Variants in CDK14 observed in about 807,000 individuals in gnomAD.
CDK14 encodes the protein cyclin dependent kinase 14.
A neutral mutation model predicts 60.7 loss-of-function variants in CDK14; 34 were observed. The observed-to-expected ratio is 0.56, with a 90% CI of 0.43 to 0.75. The LOEUF is 0.75. CDK14 is among the 30% of genes least tolerant of loss of function. The probability of loss-of-function intolerance (pLI) is 0.00; values close to 1 mark genes in which losing one functional copy is unlikely to be tolerated. For missense variants in CDK14, 482 were observed against 564.1 expected (o/e 0.85, Z 1.47); for synonymous variants, 197 against 203.7 (o/e 0.97, Z 0.28).
chr7:90,699,740 C>G (rs757229900), intron 2 of CDK14, among the ~76,000 whole-genome samples: 6 of 152,188 alleles, frequency 3.9e-5, no homozygotes, highest in Non-Finnish European at 7.3e-5. Flanking sequence ...TCCTTGCATT[C>G]AGGTGGTCCT....
chr7:90,675,743 A>G (rs945306801), intron 2 of CDK14, among the ~76,000 whole-genome samples: 8 of 152,362 alleles, frequency 5.3e-5, no homozygotes, highest in African/African-American at 1.9e-4. Context: ...TTAGAGTAAT[A>G]TGATTCAAGG....
At chr7:90,921,870 C>T (rs552279067) in intron 8 of CDK14, among the ~76,000 whole-genome samples, 8 of 152,108 alleles carry the variant, frequency 5.3e-5, no homozygotes, top group Admixed American at 4.6e-4. Flanking sequence ...TGGTCCTTGT[C>T]TAAATTTGAG....
At chr7:90,714,931 C>T (rs893983191) in intron 2 of CDK14, among the ~76,000 whole-genome samples, 4 of 151,990 alleles carry the variant, frequency 2.6e-5, no homozygotes, top group African/African-American at 9.7e-5. Flanking sequence ...AGATAGTACA[C>T]AATTTTATTT....
intron 8 of CDK14, among the ~76,000 whole-genome samples, chr7:90,923,455 G>A (rs1321142817): frequency 2.6e-5 from 4 of 152,028 alleles, no homozygotes; most frequent in African/African-American, 9.7e-5. Context: ...CTGTAAATGG[G>A]AACAAGAAGG....
At chr7:91,111,396 A>G (rs1799464606) in intron 12 of CDK14, among the ~76,000 whole-genome samples, 1 of 152,174 alleles carries the variant, frequency 6.6e-6, no homozygotes, top group Non-Finnish European at 1.5e-5. Flanking sequence ...TACCTACTGG[A>G]AGGTGCAGCT....
intron 10 of CDK14, among the ~76,000 whole-genome samples, chr7:91,007,964 T>C (rs1796026220): frequency 6.6e-6 from 1 of 151,812 alleles, no homozygotes; most frequent in African/African-American, 2.4e-5. Context: ...AGTTGCAGCC[T>C]TTGTGGTCAG....
At chr7:90,687,839 C>A (rs145896863) in intron 2 of CDK14, among the ~76,000 whole-genome samples, 1 of 152,224 alleles carries the variant, frequency 6.6e-6, no homozygotes, top group African/African-American at 2.4e-5. Context: ...AAAGCAATTT[C>A]TGAGGTACCC....
chr7:90,986,236 T>C (rs747253825), intron 10 of CDK14, among the ~76,000 whole-genome samples: 35 of 152,238 alleles, frequency 2.3e-4, no homozygotes, highest in Non-Finnish European at 4.3e-4. Context: ...CAGCCCCATA[T>C]TGATAGCTTG....
intron 9 of CDK14, among the ~76,000 whole-genome samples, chr7:90,976,344 A>G (rs577379610): frequency 6.6e-6 from 1 of 151,940 alleles, no homozygotes; most frequent in East Asian, 1.9e-4. Context: ...TGTTCAGATC[A>G]TTTGTCCCCC....
At chr7:90,858,331 A>G (rs1263276578) in intron 5 of CDK14, among the ~76,000 whole-genome samples, 1 of 152,174 alleles carries the variant, frequency 6.6e-6, no homozygotes, top group African/African-American at 2.4e-5. Context: ...GAAGTGAGAA[A>G]CAATTTAGGT....
In CDK14 at chr7:91,118,063, A is replaced by G; in HGVS notation, c.1295-2A>G. On this transcript the variant is annotated splice_acceptor_variant, in intron 13 of 14. Coordinates refer to ENST00000380050, the MANE Select transcript of CDK14 (RefSeq NM_001287135.2). LOFTEE classifies it high-confidence loss of function. ...AATGAAAACTTCATATTCTGTCCACAGTGTCTTCTATTTTTACTGTCCCAA... is the reference window on the plus strand; with the variant it reads ...AATGAAAACTTCATATTCTGTCCACGGTGTCTTCTATTTTTACTGTCCCAA... 2.6e-6 allele frequency: 4 copies of G among 1,551,292 alleles called. No individual in the cohort carries two copies. Among genetic ancestry groups the G allele is most frequent in the Non-Finnish European group, 3.6e-6 (4 of 1,123,806 alleles).
intron 11 of CDK14, among the ~76,000 whole-genome samples, chr7:91,062,672 T>C (rs1426701828): frequency 2.0e-5 from 3 of 152,110 alleles, no homozygotes; most frequent in Non-Finnish European, 2.9e-5. Context: ...ATGGATGCTA[T>C]CTCAGGAGGT....
At chr7:91,133,954 A>G (rs538798705) in intron 14 of CDK14, among the ~76,000 whole-genome samples, 2 of 152,296 alleles carry the variant, frequency 1.3e-5, no homozygotes, top group East Asian at 3.9e-4. Context: ...TGATAAATTA[A>G]TACTAGAAAT....
At position 90,676,704 on chromosome 7, in the gene CDK14, GC is replaced by G. The variant is rs1563041118; in HGVS notation, c.124-49862del. Among the ~76,000 whole-genome samples the G allele has an allele frequency of 5.3e-5, 8 of 151,974 alleles. No individual in the cohort carries two copies. In the South Asian group the frequency reaches 1.7e-3, roughly 32 times the overall value. The stretch of plus-strand genomic sequence containing the variant: ...GATACTACCACACTTGGTTAGTTTT[GC>G]TCGTTTTTTTGGTAAAGATGGGGTC... On this transcript the variant is annotated intron_variant, in intron 2 of 14. Transcript: ENST00000380050.
intron 7 of CDK14, among the ~76,000 whole-genome samples, chr7:90,909,371 G>C (rs1792815380): frequency 6.6e-6 from 1 of 151,778 alleles, no homozygotes; most frequent in Non-Finnish European, 1.5e-5. Context: ...GCTCACCTAG[G>C]GAATATTTCT....
chr7:90,984,694 T>G (rs1366714719), intron 10 of CDK14, among the ~76,000 whole-genome samples: 1 of 152,166 alleles, frequency 6.6e-6, no homozygotes, highest in Non-Finnish European at 1.5e-5. Context: ...TCCGTCAGGT[T>G]TTCAAGGCTA....
chr7:91,043,826 A>C (rs1429440829), intron 10 of CDK14, among the ~76,000 whole-genome samples: 1 of 152,194 alleles, frequency 6.6e-6, no homozygotes, highest in Non-Finnish European at 1.5e-5. Flanking sequence ...AGGAACATAA[A>C]TACATGTATT....
At chr7:91,042,918 A>G (rs752590640) in intron 10 of CDK14, among the ~76,000 whole-genome samples, 5 of 152,216 alleles carry the variant, frequency 3.3e-5, no homozygotes, top group Admixed American at 6.5e-5. Context: ...CTAATCATAC[A>G]TTAAACCCAA....
intron 14 of CDK14, among the ~76,000 whole-genome samples, chr7:91,149,687 T>G (rs1800775536): frequency 6.6e-6 from 1 of 152,200 alleles, no homozygotes; most frequent in Admixed American, 6.5e-5. Flanking sequence ...GATGATGACA[T>G]TAGATAGCAC....
Sources: gnomAD v4.1 joint callset for allele counts (sites outside exome capture counted in the v4.1 genomes callset) on GRCh38, gnomAD v4.1.1 for gene constraint, MANE v1.5 for transcripts, NCBI Gene and HGNC (gene_info 2026-07-23, HGNC 2026-07-21) for gene names.